The following ADCY10 variants were observed in gnomAD, a reference collection of about 807,000 sequenced individuals.
ADCY10 encodes adenylate cyclase 10.
In ADCY10, 156 loss-of-function variants were observed where a neutral mutation model predicts 183.3. That is an observed-to-expected ratio of 0.85 (90% CI 0.75 to 0.97). The LOEUF is 0.97. Among genes scored for constraint, ADCY10 ranks in the 50% least tolerant of loss-of-function variants. The pLI, the probability that ADCY10 is intolerant of heterozygous loss-of-function variation, is 0.00. For missense variants in ADCY10, 1,745 were observed against 1,934.3 expected (o/e 0.90, Z 1.84); for synonymous variants, 645 against 670.0 (o/e 0.96, Z 0.58).
intron 30 of ADCY10, chr1:167,818,546 T>C: frequency 2.1e-6 from 1 of 487,550 alleles, no homozygotes; most frequent in South Asian, 1.7e-5. Context: ...TGGCTTTTTT[T>C]CTTTTTTTGA....
Position 167,848,428 on chromosome 1 carries a change from A to C in ADCY10, c.2370T>G (p.Ser790Arg). The part of the protein sequence containing the change: ...NMVTLHSDKE[S>R]EEVCHLTSGV... ...CACTTGTGAGGTGACAGACTTCTTC[A>C]CTTTCCTTATCACTATGGAGAGTAA... Residue 790 changes from serine to arginine, a missense_variant, in exon 19 of 33, where the codon AGT (serine) becomes AGG (arginine). By Grantham distance (110) the Ser-to-Arg change is moderately radical. Transcript: ENST00000367851. 3 of 1,613,826 alleles carry C rather than the reference A, an allele frequency of 1.9e-6. No homozygotes were observed. The highest frequency in any genetic ancestry group is 1.3e-5 in the African/African-American group (1 of 74,998).
chr1:167,819,918 A>G, intron 30 of ADCY10: 1 of 1,049,580 alleles, frequency 9.5e-7, no homozygotes. Context: ...AGTAGGCAAA[A>G]CATCTTCTCC....
intron 31 of ADCY10, 96 bp downstream of exon 31, chr1:167,817,976 A>G: frequency 1.6e-6 from 2 of 1,243,120 alleles, no homozygotes; most frequent in Non-Finnish European, 2.3e-6. Context: ...TTATAAAAAT[A>G]TATGAATTCT....
At chr1:167,864,728 A>G (rs1254454677) in intron 14 of ADCY10, among the ~76,000 whole-genome samples, 1 of 152,222 alleles carries the variant, frequency 6.6e-6, no homozygotes, top group African/African-American at 2.4e-5. Context: ...ATTGATAATT[A>G]AAGGTATTCT....
chr1:167,877,233 G>A (rs1316574617), intron 12 of ADCY10, among the ~76,000 whole-genome samples: 2 of 148,860 alleles, frequency 1.3e-5, no homozygotes, highest in South Asian at 2.2e-4. Context: ...AATTATAATA[G>A]TTTCTATCTC....
rs1464272965 is a variant in ADCY10, at chr1:167,899,609, G to T, written c.456C>A (p.Ile152=). 1 of 1,613,872 alleles carries T rather than the reference G, an allele frequency of 6.2e-7. No homozygotes were observed. The highest frequency in any genetic ancestry group is 1.3e-5 in the African/African-American group (1 of 74,936). The change falls in exon 6 of 33, where the codon ATC becomes ATA. Residue 152 remains isoleucine (I), a synonymous_variant. Coordinates refer to ENST00000367851, the MANE Select transcript of ADCY10 (RefSeq NM_018417.6). The stretch of plus-strand genomic sequence containing the variant: ...TTTCATCTCCAAAGACCAACATGCT[G>T]ATGTGGCCAGCAGCCAGTCCTGGCA... The part of the protein sequence containing the change: ...RVKIGLAAGH[I]SMLVFGDETH...
At chr1:167,817,267 A>G (rs1335660985) in intron 31 of ADCY10, among the ~76,000 whole-genome samples, 1 of 152,156 alleles carries the variant, frequency 6.6e-6, no homozygotes, top group Admixed American at 6.5e-5. Flanking sequence ...TGGGAGGCTG[A>G]GGTACGAGAA....
In ADCY10 at chr1:167,905,440, C is replaced by T. The variant is rs985879603; in HGVS notation, c.-58-242G>A. 4.6e-5 allele frequency among the ~76,000 whole-genome samples: 7 copies of T among 152,132 alleles called. No individual in the cohort carries two copies. In the East Asian group the frequency reaches 5.8e-4, roughly 13 times the overall value. ...GCTGGGGTGAAAGAGGGTAGCTGAA[C>T]GGCTCAACTCATTTGCAGGAAGGGG... On this transcript the variant is annotated intron_variant, in intron 1 of 32. Coordinates refer to ENST00000367851, the MANE Select transcript of ADCY10 (RefSeq NM_018417.6).
intron 29 of ADCY10, 148 bp from the exon 30 acceptor site, chr1:167,822,289 C>A (rs1571219417): frequency 2.8e-6 from 2 of 726,296 alleles, no homozygotes; most frequent in East Asian, 5.1e-5. Context: ...TTGCAACAAC[C>A]TCATGACTGG....
In ADCY10 at chr1:167,870,389, T is replaced by A; in HGVS notation, c.1484A>T (p.Tyr495Phe). ...AAATTTCTTCATAGTATACATGAAG[T>A]AGTTGATCTCTTTATTACGTCCTGT... Reference protein sequence around the residue: ...PLLGRNKEINYFMYTMKKFLI... With the variant: ...PLLGRNKEINFFMYTMKKFLI... The change falls in exon 14 of 33, where the codon TAC becomes TTC. Residue 495 changes from tyrosine (Y) to phenylalanine (F), a missense_variant. Tyr to Phe is a conservative substitution (Grantham distance 22). Coordinates refer to ENST00000367851, the MANE Select transcript of ADCY10 (RefSeq NM_018417.6). The A allele has an allele frequency of 6.2e-7, 1 of 1,609,488 alleles. No homozygotes were observed. The highest frequency in any genetic ancestry group is 8.5e-7 in the Non-Finnish European group (1 of 1,175,946).
At chr1:167,810,693 G>T in intron 32 of ADCY10, 32 bp downstream of exon 32, 2 of 1,608,348 alleles carry the variant, frequency 1.2e-6, no homozygotes, top group Admixed American at 1.7e-5. Flanking sequence ...GGTGAGCATC[G>T]CCACCCCGGT....
intron 18 of ADCY10, among the ~76,000 whole-genome samples, chr1:167,848,703 T>A (rs1380014891): frequency 6.6e-6 from 1 of 151,956 alleles, no homozygotes; most frequent in Admixed American, 6.6e-5. Flanking sequence ...CAGGCTGGAG[T>A]GCAGTGGCGT....
intron 9 of ADCY10, 86 bp from the exon 10 acceptor site, chr1:167,880,695 G>T: frequency 1.1e-6 from 1 of 940,532 alleles, no homozygotes; most frequent in Non-Finnish European, 1.7e-6. Flanking sequence ...AGAGCCGGCG[G>T]CAATTTTTGG....
At chr1:167,844,733 T>C (rs1334204351) in intron 21 of ADCY10, among the ~76,000 whole-genome samples, 1 of 152,252 alleles carries the variant, frequency 6.6e-6, no homozygotes, top group Non-Finnish European at 1.5e-5. Flanking sequence ...ATTTTGCACC[T>C]GCTATGTACT....
chr1:167,899,447 ACT>A lies in ADCY10; in HGVS notation c.616_617del (p.Ser206CysfsTer8), dbSNP rs774821951. ...LCDRSMIEIE[S>X]VPDQRAVKVN... ...CCTTAACTGCTCTCTGATCTGGAAC[ACT>A]CTCAATTTCAATCATGCTCCGGTCA... On this transcript the variant is annotated frameshift_variant, in exon 6 of 33. Transcript: ENST00000367851. LOFTEE classifies it high-confidence loss of function. 1.2e-6 allele frequency: 2 copies of A among 1,613,916 alleles called. No homozygotes were observed. Among genetic ancestry groups the A allele is most frequent in the African/African-American group, 1.3e-5 (1 of 74,838 alleles).
intron 18 of ADCY10, 111 bp from the exon 19 acceptor site, chr1:167,848,600 G>T (rs1665236100): frequency 8.5e-7 from 1 of 1,179,248 alleles, no homozygotes; most frequent in East Asian, 2.4e-5. Context: ...GGGCAGAGAT[G>T]TATATTGGCT....
chr1:167,876,504 G>C (rs1268833456), intron 12 of ADCY10, among the ~76,000 whole-genome samples: 1 of 152,078 alleles, frequency 6.6e-6, no homozygotes, highest in Non-Finnish European at 1.5e-5. Flanking sequence ...CTCTCTTATA[G>C]CATATATCAA....
At chr1:167,901,360 T>C (rs958306940) in intron 5 of ADCY10, among the ~76,000 whole-genome samples, 3 of 152,150 alleles carry the variant, frequency 2.0e-5, no homozygotes, top group African/African-American at 7.2e-5. Context: ...GATGGAATAA[T>C]AATAACAGCA....
chr1:167,880,306 C>T, intron 10 of ADCY10, 115 bp from the exon 11 acceptor site: 1 of 1,099,686 alleles, frequency 9.1e-7, no homozygotes, highest in Non-Finnish European at 1.4e-6. Flanking sequence ...AGGATTTTCT[C>T]TACCCGTTGG....
Sources: allele counts gnomAD v4.1 joint callset (sites outside exome capture counted in the v4.1 genomes callset), GRCh38; gene constraint gnomAD v4.1.1; transcripts MANE v1.5; gene names NCBI Gene and HGNC (gene_info 2026-07-23, HGNC 2026-07-21).